Variants in NAA40 observed in about 807,000 individuals in gnomAD.
NAA40 encodes N-alpha-acetyltransferase 40, NatD catalytic subunit, also known as N-alpha-acetyltransferase 40.
NAA40 carries 26 observed loss-of-function variants against 36.6 expected under a neutral mutation model. The observed-to-expected ratio is 0.71, with a 90% CI of 0.52 to 0.98. NAA40 has a LOEUF of 0.98. Ranked by LOEUF, NAA40 falls within the 50% of genes least tolerant of loss-of-function variation. The pLI, the probability that NAA40 is intolerant of heterozygous loss-of-function variation, is 0.00. For missense variants in NAA40, 237 were observed against 306.5 expected, an observed-to-expected ratio of 0.77 and a Z score of 1.69; for synonymous variants, 129 against 108.4, an observed-to-expected ratio of 1.19 and a Z score of -1.18.
chr11:63,951,438 G>A (rs1388298006), intron 3 of NAA40, among the ~76,000 whole-genome samples: 3 of 152,110 alleles, frequency 2.0e-5, no homozygotes, highest in Non-Finnish European at 4.4e-5. Flanking sequence ...CCGCCTCCCA[G>A]GTTCAAGCGA....
At chr11:63,951,954 G>A (rs894736236) in intron 3 of NAA40, among the ~76,000 whole-genome samples, 5 of 152,096 alleles carry the variant, frequency 3.3e-5, no homozygotes, top group Non-Finnish European at 7.4e-5. Flanking sequence ...GAGCAGAGAG[G>A]GACAAGAAGT....
chr11:63,946,058 C>G (rs1942181406), intron 2 of NAA40, 123 bp downstream of exon 2: 1 of 831,880 alleles, frequency 1.2e-6, no homozygotes, highest in Non-Finnish European at 2.0e-6. Flanking sequence ...GCCTCTGCCT[C>G]CTTGCTGTGC....
chr11:63,952,860 A>T, intron 6 of NAA40, 21 bp downstream of exon 6: 1 of 1,604,096 alleles, frequency 6.2e-7, no homozygotes, highest in Non-Finnish European at 8.5e-7. Context: ...CCTTCTTAGG[A>T]GGCCCATATA....
rs1460006206 is a variant in NAA40, at chr11:63,955,173, A to T, written c.*694A>T. ...GGACCAACAATGAGGTGTTCTTGGGACCCGCCATGGGGATGATTGCTTCTC... is the reference window on the plus strand; with the variant it reads ...GGACCAACAATGAGGTGTTCTTGGGTCCCGCCATGGGGATGATTGCTTCTC... On this transcript the variant is annotated 3_prime_UTR_variant, in exon 8 of 8. Coordinates refer to ENST00000377793, the MANE Select transcript of NAA40 (RefSeq NM_024771.4). 6.6e-6 allele frequency: 1 copy of T among 152,390 alleles called. No homozygotes were observed. Among genetic ancestry groups the T allele is most frequent in the Non-Finnish European group, 1.5e-5 (1 of 67,980 alleles). 9.4% of individuals were successfully genotyped at this position (152,390 alleles called of 1,614,324 possible).
rs757942241 is a variant in NAA40, at chr11:63,946,648, G to A, written c.103-303G>A. ...AAGTCAGTGTGCAGCAGATCAGGTA[G>A]CCTCTTCTTTGGGTTAGCTGTGCTG... On this transcript the variant is annotated intron_variant, in intron 2 of 7. Coordinates refer to ENST00000377793, the MANE Select transcript of NAA40 (RefSeq NM_024771.4). 1.2e-5 allele frequency: 16 copies of A among 1,376,260 alleles called. No individual in the cohort carries two copies. In the East Asian group the frequency reaches 1.8e-4, roughly 16 times the overall value. The allele number at this position is 1,376,260 out of a possible 1,614,324, so 85.3% of individuals were successfully genotyped here. A position where few individuals can be genotyped will look rare whatever the true frequency, so the allele number is the denominator to read the frequency against.
At position 63,957,212 on chromosome 11, in the gene NAA40, A is replaced by ATATATTTT. The variant is rs1278673521; in HGVS notation, c.*2734_*2735insATATTTTT. 9.9e-3 allele frequency: 634 copies of ATATATTTT among 64,196 alleles called. 4 individuals carry two copies. Among genetic ancestry groups the ATATATTTT allele is most frequent in the African/African-American group, 0.026 (609 of 23,864 alleles). The allele number at this position is 64,196 out of a possible 1,614,324, so 4.0% of individuals were successfully genotyped here. ...CCTTGATATATATATATATATATATATTTTTTTTTTTCTTTAGCAGCTTGT... is the reference window on the plus strand; with the variant it reads ...CCTTGATATATATATATATATATATATATATTTTTTTTTTTTTTTCTTTAGCAGCTTGT... On this transcript the variant is annotated 3_prime_UTR_variant, in exon 8 of 8. Transcript: ENST00000377793.
intron 1 of NAA40, chr11:63,939,457 T>G: frequency 9.4e-7 from 1 of 1,060,248 alleles, no homozygotes; most frequent in Non-Finnish European, 1.1e-6. Flanking sequence ...TGTCACCAGC[T>G]TCGTCGCTTT....
At chr11:63,939,764 G>A (rs1473658408) in intron 1 of NAA40, among the ~76,000 whole-genome samples, 1 of 152,166 alleles carries the variant, frequency 6.6e-6, no homozygotes, top group Non-Finnish European at 1.5e-5. Context: ...GGTTGTTAGG[G>A]GTTTTGGTAG....
At chr11:63,944,042 T>C (rs891365613) in intron 1 of NAA40, among the ~76,000 whole-genome samples, 6 of 152,082 alleles carry the variant, frequency 3.9e-5, no homozygotes, top group Admixed American at 2.6e-4. Flanking sequence ...CGCTCAGCCA[T>C]GAGATAATTA....
intron 3 of NAA40, among the ~76,000 whole-genome samples, chr11:63,949,444 C>T (rs1342793031): frequency 2.0e-5 from 3 of 152,128 alleles, no homozygotes; most frequent in African/African-American, 4.8e-5. Context: ...TTTCAACCCT[C>T]ACCCTGTTTG....
intron 3 of NAA40, among the ~76,000 whole-genome samples, chr11:63,950,146 G>C (rs1942256045): frequency 7.2e-6 from 1 of 138,598 alleles, no homozygotes; most frequent in Non-Finnish European, 1.5e-5. Flanking sequence ...TTGAGACAGA[G>C]TCTCGCTCTG....
chr11:63,953,936 C>G, intron 6 of NAA40, 36 bp from the exon 7 acceptor site: 1 of 1,593,648 alleles, frequency 6.3e-7, no homozygotes, highest in Non-Finnish European at 8.6e-7. Context: ...GGCCATGTTT[C>G]TCTTTCTAAA....
At chr11:63,947,074 C>T (rs910988144) in intron 3 of NAA40, 71 bp downstream of exon 3, 1 of 1,439,514 alleles carries the variant, frequency 6.9e-7, no homozygotes, top group Non-Finnish European at 9.8e-7. Flanking sequence ...CCAGAGTAGG[C>T]TTCCTCAGAC....
Position 63,952,288 on chromosome 11 carries a change from C to G in NAA40, c.206C>G (p.Thr69Ser), listed in dbSNP as rs754334090. The change falls in exon 4 of 8, where the codon ACC (threonine) becomes AGC (serine). Residue 69 changes from threonine (T) to serine (S), a missense_variant. By Grantham distance (58) the Thr-to-Ser change is moderately conservative (BLOSUM62 1). Coordinates refer to ENST00000377793, the MANE Select transcript of NAA40 (RefSeq NM_024771.4). ...CKRVSGLEPA[T>S]VDWAFDLTKT... ...CGAGTGTCTGGACTGGAGCCAGCCA[C>G]CGTGGATTGGGCCTTCGACCTGACC... The G allele has an allele frequency of 6.2e-7, 1 of 1,613,886 alleles. No homozygotes were observed. Among genetic ancestry groups the G allele is most frequent in the Admixed American group, 1.7e-5 (1 of 59,984 alleles).
At chr11:63,942,397 A>G (rs1016794250) in intron 1 of NAA40, among the ~76,000 whole-genome samples, 1 of 152,212 alleles carries the variant, frequency 6.6e-6, no homozygotes, top group East Asian at 1.9e-4. Context: ...TGGTGTAGAC[A>G]TTGCGAGCCC....
chr11:63,952,371 G>T (rs199785203), intron 4 of NAA40, 36 bp from the exon 5 acceptor site: 1 of 1,613,122 alleles, frequency 6.2e-7, no homozygotes, highest in South Asian at 1.1e-5. Flanking sequence ...AGTTCCTCTC[G>T]CAGCTTTCCC....
chr11:63,947,050 C>G (rs762663667), intron 3 of NAA40, 47 bp downstream of exon 3: 1 of 1,551,442 alleles, frequency 6.4e-7, no homozygotes, highest in Non-Finnish European at 8.9e-7. Flanking sequence ...CGAGTGTCTT[C>G]AGGAATTCCC....
rs1399923502 is a variant in NAA40 at position 63,952,849 on chromosome 11, C to G, written c.494+10C>G. 3 of 1,613,112 alleles carry G rather than the reference C, an allele frequency of 1.9e-6. No homozygotes were observed. Among genetic ancestry groups the G allele is most frequent in the East Asian group, 2.2e-5 (1 of 44,868 alleles). On this transcript the variant is annotated intron_variant, in intron 6 of 7. Transcript: ENST00000377793. ...AGCTCATGGCCAACAGGTAAGGCCT[C>G]CCTTCTTAGGAGGCCCATATAGCAC...
At chr11:63,939,948 A>G (rs578036366) in intron 1 of NAA40, among the ~76,000 whole-genome samples, 19 of 151,196 alleles carry the variant, frequency 1.3e-4, no homozygotes, top group Non-Finnish European at 1.9e-4. Context: ...GTTATTTGCA[A>G]GTTTCTGTGC....
Sources: allele counts gnomAD v4.1 joint callset (sites outside exome capture counted in the v4.1 genomes callset), GRCh38; gene constraint gnomAD v4.1.1; transcripts MANE v1.5; gene names NCBI Gene and HGNC (gene_info 2026-07-23, HGNC 2026-07-21).